Variants in CPNE4 observed in about 807,000 individuals in gnomAD.
CPNE4 encodes the protein copine 4.
In CPNE4, 25 loss-of-function variants were observed where a neutral mutation model predicts 67.9. The ratio of observed to expected loss-of-function variants is 0.37; its 90% confidence interval spans 0.27 to 0.51. The LOEUF (loss-of-function observed/expected upper bound fraction) is 0.51, where lower values mean the gene tolerates loss of function less well. Among genes scored for constraint, CPNE4 ranks in the 20% least tolerant of loss-of-function variants. CPNE4 has a pLI of 0.93. For missense variants in CPNE4, 464 were observed against 690.8 expected (o/e 0.67, Z 3.68); for synonymous variants, 242 against 244.9 (o/e 0.99, Z 0.11).
chr3:131,924,194 C>T (rs533143491), intron 1 of CPNE4, among the ~76,000 whole-genome samples: 17 of 152,316 alleles, frequency 1.1e-4, no homozygotes, highest in East Asian at 3.9e-4. Context: ...TATCTTGTCT[C>T]CCTTACAGCT....
At chr3:131,547,242 C>A (rs1582767856) in intron 14 of CPNE4, among the ~76,000 whole-genome samples, 1 of 151,822 alleles carries the variant, frequency 6.6e-6, no homozygotes, top group East Asian at 2.0e-4. Flanking sequence ...ATTGTTTGAG[C>A]CCAGGAGTTT....
chr3:131,845,697 T>A (rs914550948), intron 2 of CPNE4, among the ~76,000 whole-genome samples: 4 of 152,152 alleles, frequency 2.6e-5, no homozygotes, highest in African/African-American at 9.7e-5. Context: ...AACATGTTGA[T>A]TGATTGATTG....
rs1398569760 is a variant in CPNE4, at chr3:131,993,822, T to A, written c.-2+40745A>T. On this transcript the variant is annotated intron_variant, in intron 1 of 15. Transcript: ENST00000429747. The stretch of plus-strand genomic sequence containing the variant: ...CCCATTCAATATCGGAGTAGAGATC[T>A]TTACTAGTGCAAAAATACAAGAAAA... Among the ~76,000 whole-genome samples the A allele has an allele frequency of 2.2e-5, 3 of 136,012 alleles. 1 individual carries two copies. Among genetic ancestry groups the A allele is most frequent in the Admixed American group, 8.3e-5 (1 of 12,008 alleles). The allele number at this position is 136,012 out of a possible 152,430, so 89.2% of individuals were successfully genotyped here.
intron 2 of CPNE4, among the ~76,000 whole-genome samples, chr3:131,773,663 A>G (rs2083225315): frequency 6.6e-6 from 1 of 152,068 alleles, no homozygotes; most frequent in Admixed American, 6.6e-5. Flanking sequence ...AGATTTAAAT[A>G]AGACTTAAAT....
At chr3:131,560,770 G>A (rs1282569419) in intron 11 of CPNE4, among the ~76,000 whole-genome samples, 1 of 151,936 alleles carries the variant, frequency 6.6e-6, no homozygotes, top group Non-Finnish European at 1.5e-5. Context: ...TTTAACACTG[G>A]GTCTCAACCC....
In CPNE4 at chr3:131,917,205, A is replaced by T. The variant is rs149919793; in HGVS notation, c.-1-11761T>A. 2.0e-5 allele frequency among the ~76,000 whole-genome samples: 3 copies of T among 152,348 alleles called. No homozygotes were observed. The East Asian group carries it at 5.8e-4, about 29-fold the overall frequency. ...CAGAATTTCTTTCTAACGTGGCAGT[A>T]CCTTTATGTCCAATGTGTAATCATG... On this transcript the variant is annotated intron_variant, in intron 1 of 15. Transcript: ENST00000429747.
chr3:131,799,219 C>T (rs1560337348), intron 2 of CPNE4, among the ~76,000 whole-genome samples: 1 of 152,126 alleles, frequency 6.6e-6, no homozygotes, highest in Non-Finnish European at 1.5e-5. Context: ...TGGGCAAGGA[C>T]ATTTTCCTGA....
intron 1 of CPNE4, among the ~76,000 whole-genome samples, chr3:132,030,704 G>T (rs1191218937): frequency 6.6e-6 from 1 of 152,160 alleles, no homozygotes; most frequent in Non-Finnish European, 1.5e-5. Flanking sequence ...GCTGATTTAG[G>T]AGAAAATATA....
At chr3:131,685,181 T>C (rs1310580566) in intron 6 of CPNE4, among the ~76,000 whole-genome samples, 2 of 72,952 alleles carry the variant, frequency 2.7e-5, no homozygotes, top group Non-Finnish European at 6.5e-5. Context: ...AAAATGGGGG[T>C]CATCATCATC....
intron 2 of CPNE4, among the ~76,000 whole-genome samples, chr3:131,726,084 C>T (rs2081993544): frequency 6.6e-6 from 1 of 152,196 alleles, no homozygotes; most frequent in Admixed American, 6.5e-5. Flanking sequence ...CCTCAAGACA[C>T]AAAAAGGGCA....
intron 5 of CPNE4, among the ~76,000 whole-genome samples, chr3:131,691,374 TA>T (rs1022222842): frequency 2.6e-5 from 4 of 152,080 alleles, no homozygotes; most frequent in African/African-American, 7.2e-5. Context: ...TACACAGCCA[TA>T]AAAAAATAAT....
At chr3:131,743,443 C>T (rs563646963) in intron 2 of CPNE4, among the ~76,000 whole-genome samples, 2 of 152,214 alleles carry the variant, frequency 1.3e-5, no homozygotes, top group African/African-American at 2.4e-5. Flanking sequence ...AAATTTAATA[C>T]CAAAACCCAA....
chr3:132,038,553 C>T (rs1474484920), upstream of CPNE4, among the ~76,000 whole-genome samples: 1 of 152,104 alleles, frequency 6.6e-6, no homozygotes, highest in Non-Finnish European at 1.5e-5. Context: ...CACTAAATAG[C>T]TCTGTATAAT....
intron 7 of CPNE4, among the ~76,000 whole-genome samples, chr3:131,662,905 G>T (rs2080163025): frequency 1.3e-5 from 2 of 152,284 alleles, no homozygotes; most frequent in South Asian, 4.1e-4. Flanking sequence ...ACAGTGTGGT[G>T]ATTCCTCAAG....
chr3:131,831,231 T>C (rs2085356984), intron 2 of CPNE4, among the ~76,000 whole-genome samples: 1 of 152,140 alleles, frequency 6.6e-6, no homozygotes, highest in Admixed American at 6.6e-5. Context: ...ACAGAATGAA[T>C]ATTGAGAAAT....
At chr3:131,791,734 G>A (rs191792325) in intron 2 of CPNE4, among the ~76,000 whole-genome samples, 3 of 152,244 alleles carry the variant, frequency 2.0e-5, no homozygotes, top group East Asian at 1.9e-4. Flanking sequence ...GGTGTTTCCC[G>A]ATTTGAAGTC....
At chr3:131,619,790 G>A (rs1281136501) in intron 7 of CPNE4, among the ~76,000 whole-genome samples, 1 of 152,166 alleles carries the variant, frequency 6.6e-6, no homozygotes, top group African/African-American at 2.4e-5. Context: ...GAATCTGCAT[G>A]TTTAATATAC....
intron 15 of CPNE4, among the ~76,000 whole-genome samples, chr3:131,536,441 G>A (rs1007243735): frequency 6.6e-6 from 1 of 152,194 alleles, no homozygotes; most frequent in Non-Finnish European, 1.5e-5. Flanking sequence ...TATTATTGAA[G>A]AGATTGAAAA....
intron 1 of CPNE4, among the ~76,000 whole-genome samples, chr3:131,933,683 T>A (rs534171558): frequency 1.3e-5 from 2 of 151,978 alleles, no homozygotes; most frequent in African/African-American, 4.8e-5. Flanking sequence ...ATATACACAA[T>A]GGGATACTAT....
Sources: gnomAD v4.1 joint callset for allele counts (sites outside exome capture counted in the v4.1 genomes callset) on GRCh38, gnomAD v4.1.1 for gene constraint, MANE v1.5 for transcripts, NCBI Gene and HGNC (gene_info 2026-07-23, HGNC 2026-07-21) for gene names.